VAT1L: variants seen among roughly 807,000 people sequenced by gnomAD.
VAT1L encodes putative NADPH-dependent quinone oxidoreductase VAT1L.
In VAT1L, 34 loss-of-function variants were observed where a neutral mutation model predicts 44.1. That is an observed-to-expected ratio of 0.77 (90% CI 0.59 to 1.03). The LOEUF (loss-of-function observed/expected upper bound fraction) is 1.03, where lower values mean the gene tolerates loss of function less well. Among genes scored for constraint, VAT1L ranks in the 50% least tolerant of loss-of-function variants. The probability of loss-of-function intolerance (pLI) is 0.00; values close to 1 mark genes in which losing one functional copy is unlikely to be tolerated. For missense variants in VAT1L, 615 were observed against 538.8 expected, an observed-to-expected ratio of 1.14 and a Z score of -1.40; for synonymous variants, 253 against 202.2, an observed-to-expected ratio of 1.25 and a Z score of -2.13.
At chr16:77,795,813 CTTTTTTTTTTTT>C (rs56725954) in intron 1 of VAT1L, among the ~76,000 whole-genome samples, 10 of 100,592 alleles carry the variant, frequency 9.9e-5, no homozygotes, top group East Asian at 3.8e-4. Flanking sequence ...CCTTTTTTCT[CTTTTTTTTTTTT>C]TTTTTTTTTT....
chr16:77,816,177 A>G (rs971926481), intron 1 of VAT1L, among the ~76,000 whole-genome samples: 1 of 152,092 alleles, frequency 6.6e-6, no homozygotes, highest in African/African-American at 2.4e-5. Flanking sequence ...TGACTTTGAT[A>G]TATTTTAATA....
intron 4 of VAT1L, among the ~76,000 whole-genome samples, chr16:77,864,073 C>T (rs74027229): frequency 0.082 from 12,453 of 152,074 alleles, 871 homozygotes; most frequent in African/African-American, 0.19. Context: ...ACATGTTTGT[C>T]AGCACAGGGA....
intron 7 of VAT1L, among the ~76,000 whole-genome samples, chr16:77,921,092 G>T (rs1433197897): frequency 6.6e-6 from 1 of 152,132 alleles, no homozygotes; most frequent in African/African-American, 2.4e-5. Context: ...GCCTCGAAGG[G>T]CTACCTGGAA....
intron 7 of VAT1L, among the ~76,000 whole-genome samples, chr16:77,951,167 C>T (rs965107389): frequency 2.0e-5 from 3 of 152,220 alleles, no homozygotes; most frequent in African/African-American, 7.2e-5. Flanking sequence ...AGACGGTATG[C>T]AACTCCACAA....
intron 3 of VAT1L, among the ~76,000 whole-genome samples, chr16:77,847,203 T>C (rs762589683): frequency 9.9e-5 from 15 of 151,832 alleles, no homozygotes; most frequent in Non-Finnish European, 1.8e-4. Flanking sequence ...AAGAGCTTTT[T>C]GGAAATGAGA....
chr16:77,929,797 C>A (rs1161463060), intron 7 of VAT1L, among the ~76,000 whole-genome samples: 1 of 152,070 alleles, frequency 6.6e-6, no homozygotes, highest in African/African-American at 2.4e-5. Flanking sequence ...CCGAGGAGAC[C>A]CAGATAATAA....
At chr16:77,939,089 T>A (rs909307636) in intron 7 of VAT1L, among the ~76,000 whole-genome samples, 1 of 152,176 alleles carries the variant, frequency 6.6e-6, no homozygotes, top group African/African-American at 2.4e-5. Context: ...TCTGTTGCCC[T>A]GTTAGTTCCT....
chr16:77,941,760 T>C (rs1283557410), intron 7 of VAT1L, among the ~76,000 whole-genome samples: 1 of 152,082 alleles, frequency 6.6e-6, no homozygotes, highest in Non-Finnish European at 1.5e-5. Context: ...CTGATTTTTT[T>C]GTATTTTTGG....
At chr16:77,838,024 C>G (rs546046581) in intron 3 of VAT1L, among the ~76,000 whole-genome samples, 1 of 152,330 alleles carries the variant, frequency 6.6e-6, no homozygotes, top group South Asian at 2.1e-4. Flanking sequence ...CTTGGTCTAT[C>G]TTCCCTGACA....
chr16:77,904,864 T>C (rs1190910650), intron 7 of VAT1L, among the ~76,000 whole-genome samples: 2 of 152,218 alleles, frequency 1.3e-5, no homozygotes, highest in African/African-American at 4.8e-5. Flanking sequence ...TTGCACTTCA[T>C]TGTTTTCATT....
intron 3 of VAT1L, among the ~76,000 whole-genome samples, chr16:77,833,548 C>T (rs376940281): frequency 1.3e-5 from 2 of 151,966 alleles, no homozygotes; most frequent in Admixed American, 6.6e-5. Flanking sequence ...GTCAGGAGTT[C>T]GAGACCATCC....
In VAT1L at chr16:77,847,237, C is replaced by G. The variant is rs553468158; in HGVS notation, c.580-15511C>G. Among the ~76,000 whole-genome samples the G allele has an allele frequency of 5.3e-5, 8 of 151,844 alleles. No individual in the cohort carries two copies. The East Asian group carries it at 5.8e-4, about 11-fold the overall frequency. On this transcript the variant is annotated intron_variant, in intron 3 of 8. Coordinates refer to ENST00000302536, the MANE Select transcript of VAT1L (RefSeq NM_020927.3). The stretch of plus-strand genomic sequence containing the variant: ...GAAAGCAGGAAAAAAAAAAAAAGCT[C>G]TTAAACTATGACTGATGTGCCTTTA...
At chr16:77,874,839 TAAAAAAAAA>T (rs769810512) in intron 4 of VAT1L, among the ~76,000 whole-genome samples, 1 of 87,718 alleles carries the variant, frequency 1.1e-5, no homozygotes, top group African/African-American at 4.1e-5. Flanking sequence ...AATTAATTTG[TAAAAAAAAA>T]AAAAAAAAAA....
chr16:77,932,921 AG>A (rs1479065936), intron 7 of VAT1L, among the ~76,000 whole-genome samples: 1 of 152,210 alleles, frequency 6.6e-6, no homozygotes, highest in Non-Finnish European at 1.5e-5. Flanking sequence ...AGAACTCTAC[AG>A]AAACAGAGGG....
At chr16:77,810,377 C>T (rs900469503) in intron 1 of VAT1L, among the ~76,000 whole-genome samples, 15 of 152,102 alleles carry the variant, frequency 9.9e-5, no homozygotes, top group Non-Finnish European at 1.8e-4. Context: ...AACCAGCCCT[C>T]CTGGAAGTTC....
intron 8 of VAT1L, among the ~76,000 whole-genome samples, chr16:77,976,433 A>C (rs1320521531): frequency 6.6e-6 from 1 of 152,188 alleles, no homozygotes; most frequent in Non-Finnish European, 1.5e-5. Flanking sequence ...TCCAGGGAGA[A>C]GGCACTGCAC....
chr16:77,957,633 G>C (rs1226590389), intron 7 of VAT1L, among the ~76,000 whole-genome samples: 2 of 151,932 alleles, frequency 1.3e-5, no homozygotes, highest in Non-Finnish European at 2.9e-5. Flanking sequence ...GCTGAGGCAG[G>C]AGAATCACTT....
At chr16:77,871,717 A>AT (rs1404124512) in intron 4 of VAT1L, among the ~76,000 whole-genome samples, 4 of 152,138 alleles carry the variant, frequency 2.6e-5, no homozygotes, top group Admixed American at 6.5e-5. Flanking sequence ...TGTAGCCTGG[A>AT]TAACAGAGCA....
chr16:77,962,739 AGAAGGAAGGAAGGAAGGAAG>A (rs200754303), intron 7 of VAT1L, among the ~76,000 whole-genome samples: 1 of 129,328 alleles, frequency 7.7e-6, no homozygotes, highest in Non-Finnish European at 1.6e-5. Context: ...AAAGAAGGAA[AGAAGGAAGGAAGGAAGGAAG>A]GAAGGAAGGA....
Sources: gnomAD v4.1 joint callset for allele counts (sites outside exome capture counted in the v4.1 genomes callset) on GRCh38, gnomAD v4.1.1 for gene constraint, MANE v1.5 for transcripts, NCBI Gene and HGNC (gene_info 2026-07-23, HGNC 2026-07-21) for gene names.